Variants in BOLA3 observed in about 807,000 individuals in gnomAD.
The protein encoded by BOLA3 is bolA-like protein 3.
In BOLA3, 8 loss-of-function variants were observed where a neutral mutation model predicts 14.5. The observed-to-expected ratio is 0.55, with a 90% CI of 0.32 to 0.99. The LOEUF is 0.99. Ranked by LOEUF, BOLA3 falls within the 50% of genes least tolerant of loss-of-function variation. BOLA3 has a pLI of 0.04. For missense variants in BOLA3, 115 were observed against 138.2 expected, an observed-to-expected ratio of 0.83 and a Z score of 0.84; for synonymous variants, 42 against 45.7, an observed-to-expected ratio of 0.92 and a Z score of 0.33.
chr2:74,144,494 A>G (rs1692505673), intron 2 of BOLA3, among the ~76,000 whole-genome samples: 1 of 152,176 alleles, frequency 6.6e-6, no homozygotes, highest in Non-Finnish European at 1.5e-5. Context: ...CCAGCGGCCC[A>G]CGCCACGGGC....
At position 74,147,887 on chromosome 2, in the gene BOLA3, T is replaced by G; in HGVS notation, c.-13A>C. The G allele has an allele frequency of 3.3e-6, 5 of 1,513,758 alleles. No individual in the cohort carries two copies. Among genetic ancestry groups the G allele is most frequent in the Non-Finnish European group, 4.4e-6 (5 of 1,138,502 alleles). 93.8% of individuals were successfully genotyped at this position (1,513,758 alleles called of 1,614,324 possible). On this transcript the variant is annotated 5_prime_UTR_variant, in exon 1 of 4. Transcript: ENST00000327428. ...TCCATGCAGCCATGCCCGGCCGACG[T>G]GACCCGCCGCCCGAGGTCACTGTAT...
intron 3 of BOLA3, among the ~76,000 whole-genome samples, chr2:74,141,604 A>G (rs938452748): frequency 6.6e-6 from 1 of 152,134 alleles, no homozygotes; most frequent in Non-Finnish European, 1.5e-5. Context: ...CCTGAACTCA[A>G]TGCATGAGAG....
intron 1 of BOLA3, chr2:74,147,471 C>T (rs909123422): frequency 6.1e-6 from 2 of 327,840 alleles, no homozygotes; most frequent in Non-Finnish European, 1.1e-5. Context: ...CTCGCACCCA[C>T]GCCTTGACTC....
At chr2:74,136,287 T>C (rs767009028) in intron 3 of BOLA3, among the ~76,000 whole-genome samples, 2 of 152,170 alleles carry the variant, frequency 1.3e-5, no homozygotes, top group Non-Finnish European at 2.9e-5. Flanking sequence ...TAAAAATGCA[T>C]ATTCACCAGG....
At chr2:74,136,531 T>C (rs1431473875) in intron 3 of BOLA3, among the ~76,000 whole-genome samples, 1 of 152,208 alleles carries the variant, frequency 6.6e-6, no homozygotes, top group African/African-American at 2.4e-5. Flanking sequence ...AGAGAATTCT[T>C]CTTCCATTGT....
At chr2:74,139,288 G>A (rs1273750839) in intron 3 of BOLA3, among the ~76,000 whole-genome samples, 2 of 152,110 alleles carry the variant, frequency 1.3e-5, no homozygotes, top group Non-Finnish European at 2.9e-5. Context: ...ACACTACTAC[G>A]CATAGGGTGA....
chr2:74,145,451 C>T (rs1206113553), intron 1 of BOLA3, 148 bp from the exon 2 acceptor site: 10 of 691,006 alleles, frequency 1.4e-5, no homozygotes, highest in Middle Eastern at 2.5e-4. Flanking sequence ...CAGAGGGGCT[C>T]TGTGGTATCA....
At chr2:74,141,280 C>G (rs1029228852) in intron 3 of BOLA3, among the ~76,000 whole-genome samples, 4 of 151,586 alleles carry the variant, frequency 2.6e-5, no homozygotes, top group Non-Finnish European at 4.4e-5. Flanking sequence ...CCAAAGGGCA[C>G]TGGTCCACAA....
intron 2 of BOLA3, 46 bp downstream of exon 2, chr2:74,145,143 G>A: frequency 8.9e-7 from 1 of 1,126,718 alleles, no homozygotes; most frequent in Non-Finnish European, 1.4e-6. Context: ...CTTCCAAAGG[G>A]CAAAATCTTA....
In BOLA3 at chr2:74,135,493, G is replaced by A. The variant is rs1356381677; in HGVS notation, c.*100C>T. Reference sequence around the variant, plus strand: ...AATTATAATATGGAAATGTATATGAGCAAAATATATAAATTTTTTGGTGAC... The same window carrying A: ...AATTATAATATGGAAATGTATATGAACAAAATATATAAATTTTTTGGTGAC... On this transcript the variant is annotated 3_prime_UTR_variant, in exon 4 of 4. Transcript: ENST00000327428. 5 of 1,535,796 alleles carry A rather than the reference G, an allele frequency of 3.3e-6. No homozygotes were observed. Among genetic ancestry groups the A allele is most frequent in the East Asian group, 2.2e-5 (1 of 44,510 alleles).
At chr2:74,135,991 C>T (rs561270723) in intron 3 of BOLA3, among the ~76,000 whole-genome samples, 7 of 150,266 alleles carry the variant, frequency 4.7e-5, no homozygotes, top group East Asian at 2.0e-4. Flanking sequence ...GCTCTAGCGC[C>T]GAAGTTGGAG....
intron 3 of BOLA3, among the ~76,000 whole-genome samples, chr2:74,137,309 G>A (rs571162984): frequency 1.3e-5 from 2 of 152,294 alleles, no homozygotes; most frequent in South Asian, 2.1e-4. Context: ...TTAATTGGAG[G>A]TGGCCATGGA....
At chr2:74,141,717 G>A (rs956253467) in intron 3 of BOLA3, among the ~76,000 whole-genome samples, 1 of 151,980 alleles carries the variant, frequency 6.6e-6, no homozygotes. Flanking sequence ...CCCAGTGAGG[G>A]GGCAAATTCA....
At chr2:74,140,739 T>C (rs1490157004) in intron 3 of BOLA3, among the ~76,000 whole-genome samples, 1 of 152,226 alleles carries the variant, frequency 6.6e-6, no homozygotes, top group Non-Finnish European at 1.5e-5. Context: ...GTCACATTTA[T>C]GGAAGGCTTA....
At chr2:74,144,722 G>A (rs557887886) in intron 2 of BOLA3, among the ~76,000 whole-genome samples, 1 of 152,322 alleles carries the variant, frequency 6.6e-6, no homozygotes, top group South Asian at 2.1e-4. Flanking sequence ...CAGTTCCACT[G>A]TCTCTTCCCT....
rs1312127954 is a variant in BOLA3 at position 74,147,845 on chromosome 2, C to G, written c.30G>C (p.Ala10=). The change falls in exon 1 of 4, where the codon GCG becomes GCC. Residue 10 remains alanine, a synonymous_variant. Transcript: ENST00000327428. ...CCCCGCGGATCCCGCGGAGGAGAGG[C>G]GCTGCCGCGGCCGGGCTCCATGCAG... is the stretch of plus-strand genomic sequence containing the variant. The part of the protein sequence containing the change: MAAWSPAAA[A]PLLRGIRGLP... 1.8e-5 allele frequency: 27 copies of G among 1,525,436 alleles called. No individual in the cohort carries two copies. In the East Asian group the frequency reaches 6.3e-4, roughly 36 times the overall value. The allele number at this position is 1,525,436 out of a possible 1,614,324, so 94.5% of individuals were successfully genotyped here. A position where few individuals can be genotyped will look rare whatever the true frequency, so the allele number is the denominator to read the frequency against.
At chr2:74,137,871 T>C (rs1692362957) in intron 3 of BOLA3, among the ~76,000 whole-genome samples, 1 of 152,120 alleles carries the variant, frequency 6.6e-6, no homozygotes, top group African/African-American at 2.4e-5. Context: ...TGGGCGAAGG[T>C]CCCTGGGCCA....
intron 2 of BOLA3, 40 bp downstream of exon 2, chr2:74,145,149 T>C: frequency 8.3e-7 from 1 of 1,200,544 alleles, no homozygotes; most frequent in African/African-American, 1.5e-5. Flanking sequence ...AAGGGCAAAA[T>C]CTTATCCAAG....
At chr2:74,146,026 T>A (rs1434427726) in intron 1 of BOLA3, 1 of 150,882 alleles carries the variant, frequency 6.6e-6, no homozygotes, top group Non-Finnish European at 1.5e-5. Flanking sequence ...AGAGTTTTGC[T>A]CTGTTACCCA....
Sources: allele counts gnomAD v4.1 joint callset (sites outside exome capture counted in the v4.1 genomes callset), GRCh38; gene constraint gnomAD v4.1.1; transcripts MANE v1.5; gene names NCBI Gene and HGNC (gene_info 2026-07-23, HGNC 2026-07-21).